Variants in SLC44A1 observed in about 807,000 individuals in gnomAD.
The protein encoded by SLC44A1 is choline transporter-like protein 1.
SLC44A1 carries 26 observed loss-of-function variants against 79.3 expected under a neutral mutation model. The observed-to-expected ratio is 0.33, with a 90% CI of 0.24 to 0.46. The LOEUF is 0.46. Ranked by LOEUF, SLC44A1 falls within the 20% of genes least tolerant of loss-of-function variation. The pLI is 1.00. For missense variants in SLC44A1, 688 were observed against 798.1 expected (o/e 0.86, Z 1.66); for synonymous variants, 263 against 286.2 (o/e 0.92, Z 0.82).
intron 3 of SLC44A1, among the ~76,000 whole-genome samples, chr9:105,311,408 A>T (rs1251745513): frequency 6.6e-6 from 1 of 152,112 alleles, no homozygotes; most frequent in Non-Finnish European, 1.5e-5. Flanking sequence ...CTTACATGGG[A>T]TTGGAATCAT....
intron 2 of SLC44A1, among the ~76,000 whole-genome samples, chr9:105,309,408 A>C (rs1831116424): frequency 6.6e-6 from 1 of 152,230 alleles, no homozygotes; most frequent in South Asian, 2.1e-4. Context: ...TTAAGAGTAC[A>C]CAAACTGGCA....
chr9:105,392,403 C>G lies in SLC44A1; in HGVS notation c.*3347C>G. Reference sequence around the variant, plus strand: ...GTAGAGATGCTCTCTCTCTCTCTCTCTTTTTTTTTTTTTTTTTTTTTTTTT... The same window carrying G: ...GTAGAGATGCTCTCTCTCTCTCTCTGTTTTTTTTTTTTTTTTTTTTTTTTT... On this transcript the variant is annotated 3_prime_UTR_variant, in exon 16 of 16. Transcript: ENST00000374720. The G allele has an allele frequency of 1.7e-6, 1 of 602,532 alleles. No homozygotes were observed. The highest frequency in any genetic ancestry group is 1.9e-6 in the Non-Finnish European group (1 of 531,328). 37.3% of individuals were successfully genotyped at this position (602,532 alleles called of 1,614,324 possible). A position where few individuals can be genotyped will look rare whatever the true frequency, so the allele number is the denominator to read the frequency against.
chr9:105,353,280 A>G (rs958580590), intron 5 of SLC44A1, among the ~76,000 whole-genome samples: 1 of 152,112 alleles, frequency 6.6e-6, no homozygotes, highest in Non-Finnish European at 1.5e-5. Context: ...CAATTGGCCA[A>G]CTGTTAATAA....
intron 1 of SLC44A1, among the ~76,000 whole-genome samples, chr9:105,255,902 G>GAAATTAC (rs1288865750): frequency 6.6e-6 from 1 of 152,156 alleles, no homozygotes; most frequent in Non-Finnish European, 1.5e-5. Context: ...ATGTATCTCA[G>GAAATTAC]AAATTACAAT....
At chr9:105,340,995 T>A (rs377053312) in intron 4 of SLC44A1, among the ~76,000 whole-genome samples, 1 of 152,188 alleles carries the variant, frequency 6.6e-6, no homozygotes, top group Admixed American at 6.6e-5. Flanking sequence ...ATTGTGGAGA[T>A]GCTGTCATAT....
intron 1 of SLC44A1, among the ~76,000 whole-genome samples, chr9:105,259,604 A>AAAG (rs1415950713): frequency 6.6e-6 from 1 of 152,250 alleles, no homozygotes. Flanking sequence ...GCTAAGCCTC[A>AAAG]AAGTTTTTCC....
intron 2 of SLC44A1, chr9:105,299,696 TG>T: frequency 1.4e-6 from 1 of 698,574 alleles, no homozygotes; most frequent in Non-Finnish European, 1.8e-6. Context: ...TCTTCCTAGA[TG>T]GGAGGCTGGT....
chr9:105,348,873 C>T (rs191335087), intron 5 of SLC44A1, among the ~76,000 whole-genome samples: 207 of 152,144 alleles, frequency 1.4e-3, no homozygotes, highest in African/African-American at 4.8e-3. Context: ...AGAAAGTCTG[C>T]CAGTGATTAT....
rs541433951 is a variant in SLC44A1, at chr9:105,298,124, G to T, written c.37-1096G>T. On this transcript the variant is annotated intron_variant, in intron 1 of 15. Coordinates refer to ENST00000374720, the MANE Select transcript of SLC44A1 (RefSeq NM_080546.5). ...CTATTGAAATAAGAAAAAAAAAAAT[G>T]CAGTTGGAATTCCAGTCAATACTTT... is the stretch of plus-strand genomic sequence containing the variant. Among the ~76,000 whole-genome samples the T allele has an allele frequency of 2.9e-4, 43 of 150,388 alleles. 1 individual carries two copies. In the South Asian group the frequency reaches 8.9e-3, roughly 31 times the overall value.
chr9:105,400,041 C>G (rs1828936381), downstream of SLC44A1, among the ~76,000 whole-genome samples: 1 of 152,022 alleles, frequency 6.6e-6, no homozygotes, highest in African/African-American at 2.4e-5. Flanking sequence ...ACCAAAAATA[C>G]AGAATTATCC....
At chr9:105,355,320 T>A (rs914975450) in intron 5 of SLC44A1, among the ~76,000 whole-genome samples, 1 of 152,240 alleles carries the variant, frequency 6.6e-6, no homozygotes, top group African/African-American at 2.4e-5. Flanking sequence ...ATAGCTCTAG[T>A]CTTTCACAAG....
intron 1 of SLC44A1, among the ~76,000 whole-genome samples, chr9:105,279,802 T>C (rs746444577): frequency 9.9e-5 from 15 of 152,120 alleles, no homozygotes; most frequent in Non-Finnish European, 5.9e-5. Context: ...TATAATGATC[T>C]GAGAGGAGAT....
intron 15 of SLC44A1, among the ~76,000 whole-genome samples, chr9:105,433,637 T>G (rs1829427598): frequency 6.6e-6 from 1 of 151,104 alleles, no homozygotes; most frequent in East Asian, 2.0e-4. Context: ...CGCCCCTGCT[T>G]CACCCCTCCA....
intron 12 of SLC44A1, among the ~76,000 whole-genome samples, chr9:105,372,617 T>C (rs1308014886): frequency 1.3e-5 from 2 of 151,196 alleles, no homozygotes; most frequent in African/African-American, 2.4e-5. Flanking sequence ...AAGAGCACCA[T>C]AATTTATTTC....
intron 12 of SLC44A1, among the ~76,000 whole-genome samples, chr9:105,366,938 CT>C (rs35710961): frequency 5.5e-3 from 803 of 145,108 alleles, no homozygotes; most frequent in African/African-American, 6.4e-3. Flanking sequence ...TATGCTGATA[CT>C]TTTTTTTTTT....
At chr9:105,302,826 T>C (rs1830916350) in intron 2 of SLC44A1, among the ~76,000 whole-genome samples, 1 of 152,048 alleles carries the variant, frequency 6.6e-6, no homozygotes, top group Admixed American at 6.6e-5. Context: ...ATGAGTGGGT[T>C]TAGAAAGATG....
chr9:105,397,815 G>GATACAAAAAAATAAGC (rs1381105017), downstream of SLC44A1, among the ~76,000 whole-genome samples: 85 of 152,276 alleles, frequency 5.6e-4, no homozygotes, highest in Non-Finnish European at 9.8e-4. Flanking sequence ...GGGCGTGGTG[G>GATACAAAAAAATAAGC]CGGGCGCCTG....
chr9:105,333,374 C>T (rs923157555), intron 3 of SLC44A1, among the ~76,000 whole-genome samples: 1 of 152,190 alleles, frequency 6.6e-6, no homozygotes, highest in African/African-American at 2.4e-5. Context: ...CACTGCCCAC[C>T]TCCCACCCCA....
chr9:105,393,467 A>G lies in SLC44A1; in HGVS notation c.*4411A>G, dbSNP rs1276469818. On this transcript the variant is annotated 3_prime_UTR_variant, in exon 16 of 16. Transcript: ENST00000374720. ...CACACTTTTTCCATTCAGATTTCAT[A>G]CATTTGAGCCAAATTCTTATACTCC... 3 of 977,206 alleles carry G rather than the reference A, an allele frequency of 3.1e-6. No individual in the cohort carries two copies. The highest frequency in any genetic ancestry group is 3.6e-6 in the Non-Finnish European group (3 of 822,508). 60.5% of individuals were successfully genotyped at this position (977,206 alleles called of 1,614,324 possible). A position where few individuals can be genotyped will look rare whatever the true frequency, so the allele number is the denominator to read the frequency against.
Sources: gnomAD v4.1 joint callset for allele counts (sites outside exome capture counted in the v4.1 genomes callset) on GRCh38, gnomAD v4.1.1 for gene constraint, MANE v1.5 for transcripts, NCBI Gene and HGNC (gene_info 2026-07-23, HGNC 2026-07-21) for gene names.